The following SGMS1 variants were observed in gnomAD, a reference collection of about 807,000 sequenced individuals.
SGMS1 encodes sphingomyelin synthase 1.
Under a neutral mutation model 46.2 loss-of-function variants are expected in SGMS1, and 13 were observed. The ratio of observed to expected loss-of-function variants is 0.28; its 90% CI spans 0.18 to 0.45. The LOEUF is 0.45. SGMS1 is among the 20% of genes least tolerant of loss of function. SGMS1 has a pLI of 1.00. For synonymous variants in SGMS1, 203 were observed against 187.8 expected, an observed-to-expected ratio of 1.08 and a Z score of -0.66; for missense variants, 324 against 519.9, an observed-to-expected ratio of 0.62 and a Z score of 3.66.
chr10:50,440,172 C>G (rs1444209152), intron 5 of SGMS1, among the ~76,000 whole-genome samples: 1 of 151,704 alleles, frequency 6.6e-6, no homozygotes, highest in East Asian at 1.9e-4. Context: ...GATATTGCCC[C>G]CAAGGTAGCA....
intron 3 of SGMS1, among the ~76,000 whole-genome samples, chr10:50,484,392 G>A (rs1416847622): frequency 6.6e-6 from 1 of 152,128 alleles, no homozygotes; most frequent in African/African-American, 2.4e-5. Flanking sequence ...TTCTGAAATT[G>A]AGGCAATAAT....
chr10:50,408,034 A>G (rs1849041502), intron 6 of SGMS1, among the ~76,000 whole-genome samples: 2 of 152,226 alleles, frequency 1.3e-5, no homozygotes, highest in Admixed American at 1.3e-4. Context: ...ATGGTTCTGT[A>G]TCTGTTCTAC....
At chr10:50,425,180 C>G (rs1243136927) in intron 6 of SGMS1, among the ~76,000 whole-genome samples, 1 of 152,172 alleles carries the variant, frequency 6.6e-6, no homozygotes, top group African/African-American at 2.4e-5. Flanking sequence ...CTGTGGAAAG[C>G]AGTTTGGAGA....
chr10:50,425,527 T>C (rs958454269), intron 6 of SGMS1, among the ~76,000 whole-genome samples: 1 of 152,198 alleles, frequency 6.6e-6, no homozygotes, highest in Non-Finnish European at 1.5e-5. Context: ...TTCTCACTTA[T>C]AAGTGGGACC....
At chr10:50,569,518 A>C (rs1838319126) in intron 2 of SGMS1, among the ~76,000 whole-genome samples, 1 of 151,972 alleles carries the variant, frequency 6.6e-6, no homozygotes, top group Non-Finnish European at 1.5e-5. Context: ...TCTCCCATGG[A>C]AATGGTGCTC....
At chr10:50,624,625 A>G, upstream of SGMS1, 1 of 984,364 alleles carries the variant, frequency 1.0e-6, no homozygotes, top group Non-Finnish European at 1.2e-6. Context: ...CGCCCCTCCG[A>G]GCTGCGGCGA....
intron 4 of SGMS1, among the ~76,000 whole-genome samples, chr10:50,463,527 G>A (rs1469351978): frequency 6.6e-6 from 1 of 152,208 alleles, no homozygotes; most frequent in Non-Finnish European, 1.5e-5. Flanking sequence ...AATAGCAAGT[G>A]TTGGCAAAGA....
In SGMS1 at chr10:50,438,263, A is replaced by G. The variant is rs7085876; in HGVS notation, c.-312-4707T>C. Among the ~76,000 whole-genome samples, 1,451 of 152,342 alleles carry G rather than the reference A, an allele frequency of 9.5e-3. 27 individuals are homozygous for G. The highest frequency in any genetic ancestry group is 0.033 in the African/African-American group (1,386 of 41,570). On this transcript the variant is annotated intron_variant, in intron 5 of 10. Transcript: ENST00000361781. ...TTGCTTGTAGCCAATAGAATAAGGCAAAAATGACAGGATGTATGTGGGTAC... is the reference window on the plus strand; with the variant it reads ...TTGCTTGTAGCCAATAGAATAAGGCGAAAATGACAGGATGTATGTGGGTAC...
chr10:50,367,172 T>C (rs948542516), intron 6 of SGMS1, among the ~76,000 whole-genome samples: 3 of 152,176 alleles, frequency 2.0e-5, no homozygotes, highest in Non-Finnish European at 2.9e-5. Flanking sequence ...CCAATGGTTT[T>C]CCATTTCACT....
At chr10:50,353,373 T>G (rs1848060163) in intron 6 of SGMS1, among the ~76,000 whole-genome samples, 1 of 152,302 alleles carries the variant, frequency 6.6e-6, no homozygotes, top group South Asian at 2.1e-4. Context: ...AAAAGGCCTT[T>G]GACAAAATTC....
At chr10:50,599,573 CTTAACG>C (rs1207632866) in intron 1 of SGMS1, among the ~76,000 whole-genome samples, 1 of 152,062 alleles carries the variant, frequency 6.6e-6, no homozygotes, top group Non-Finnish European at 1.5e-5. Flanking sequence ...TTACGAAGTA[CTTAACG>C]TTAACTTAAG....
chr10:50,562,983 C>T (rs1374705713), intron 2 of SGMS1, among the ~76,000 whole-genome samples: 2 of 152,192 alleles, frequency 1.3e-5, no homozygotes, highest in Non-Finnish European at 2.9e-5. Flanking sequence ...ACTAGGTAAG[C>T]TCTGTCTAGC....
At chr10:50,421,345 G>C (rs1849252420) in intron 6 of SGMS1, among the ~76,000 whole-genome samples, 1 of 152,168 alleles carries the variant, frequency 6.6e-6, no homozygotes, top group African/African-American at 2.4e-5. Context: ...ACCATTTTAT[G>C]TTGCCTTGAC....
chr10:50,415,967 A>G (rs1315601074), intron 6 of SGMS1, among the ~76,000 whole-genome samples: 1 of 152,248 alleles, frequency 6.6e-6, no homozygotes, highest in Non-Finnish European at 1.5e-5. Context: ...GTCTTCAGAA[A>G]AAAAGCAGAA....
intron 2 of SGMS1, among the ~76,000 whole-genome samples, chr10:50,589,006 C>T (rs2131889249): frequency 6.6e-6 from 1 of 152,264 alleles, no homozygotes; most frequent in East Asian, 1.9e-4. Context: ...GCTGGGATTA[C>T]AGGCATGAGC....
At chr10:50,392,359 T>C (rs567649544) in intron 6 of SGMS1, among the ~76,000 whole-genome samples, 2 of 152,272 alleles carry the variant, frequency 1.3e-5, no homozygotes, top group South Asian at 2.1e-4. Context: ...AAAGCCATGG[T>C]TTCTTTATGG....
At chr10:50,422,604 A>G (rs956668046) in intron 6 of SGMS1, among the ~76,000 whole-genome samples, 1 of 152,230 alleles carries the variant, frequency 6.6e-6, no homozygotes, top group African/African-American at 2.4e-5. Flanking sequence ...TAAGGAACAC[A>G]TAGATACATA....
intron 6 of SGMS1, among the ~76,000 whole-genome samples, chr10:50,427,846 A>G (rs1181036607): frequency 6.6e-6 from 1 of 152,212 alleles, no homozygotes; most frequent in Non-Finnish European, 1.5e-5. Flanking sequence ...ATAGAATTCA[A>G]ACCTTATTTG....
intron 6 of SGMS1, among the ~76,000 whole-genome samples, chr10:50,352,321 C>T (rs1848032644): frequency 6.6e-6 from 1 of 152,094 alleles, no homozygotes; most frequent in South Asian, 2.1e-4. Context: ...AAGGGAAAGA[C>T]AAAATATCAT....
Sources: allele counts gnomAD v4.1 joint callset (sites outside exome capture counted in the v4.1 genomes callset), GRCh38; gene constraint gnomAD v4.1.1; transcripts MANE v1.5; gene names NCBI Gene and HGNC (gene_info 2026-07-23, HGNC 2026-07-21).